Variants in TNFRSF13B observed in about 807,000 individuals in gnomAD.
TNFRSF13B encodes the protein tumor necrosis factor receptor superfamily member 13B.
In TNFRSF13B, 34 loss-of-function variants were observed where a neutral mutation model predicts 24.0. The ratio of observed to expected loss-of-function variants is 1.41; its 90% CI spans 1.08 to 1.88. The LOEUF (loss-of-function observed/expected upper bound fraction) is 1.88, where lower values mean the gene tolerates loss of function less well. TNFRSF13B is among the 40% of genes most tolerant of loss of function. The pLI, the probability that TNFRSF13B is intolerant of heterozygous loss-of-function variation, is 0.00. For synonymous variants in TNFRSF13B, 173 were observed against 150.3 expected (o/e 1.15, Z -1.10); for missense variants, 415 against 380.8 (o/e 1.09, Z -0.75).
chr17:16,950,072 G>C (rs1016578202), intron 2 of TNFRSF13B, among the ~76,000 whole-genome samples: 3 of 152,234 alleles, frequency 2.0e-5, no homozygotes, highest in East Asian at 1.9e-4. Flanking sequence ...TGGCTTTTGA[G>C]ATGTCCTGAC....
chr17:16,949,024 C>T, intron 2 of TNFRSF13B, 41 bp from the exon 3 acceptor site: 1 of 1,613,194 alleles, frequency 6.2e-7, no homozygotes, highest in Non-Finnish European at 8.5e-7. Flanking sequence ...GTGACACAGA[C>T]TAGCAGGAAC....
intron 2 of TNFRSF13B, among the ~76,000 whole-genome samples, chr17:16,949,647 A>T (rs1291573713): frequency 2.0e-5 from 3 of 152,066 alleles, no homozygotes; most frequent in African/African-American, 7.2e-5. Context: ...CCTATTTGGA[A>T]CAATCAATTA....
chr17:16,971,199 A>G (rs2087741141), intron 1 of TNFRSF13B, among the ~76,000 whole-genome samples: 1 of 152,062 alleles, frequency 6.6e-6, no homozygotes, highest in Non-Finnish European at 1.5e-5. Context: ...AATACAAAAA[A>G]TTAGCCGGGC....
chr17:16,948,617 G>A (rs2087565404), intron 3 of TNFRSF13B, 121 bp downstream of exon 3: 1 of 1,390,794 alleles, frequency 7.2e-7, no homozygotes, highest in Non-Finnish European at 1.0e-6. Flanking sequence ...CTGGCTTCTG[G>A]CCATTTGCTT....
intron 1 of TNFRSF13B, among the ~76,000 whole-genome samples, chr17:16,955,287 A>G (rs1262454209): frequency 6.6e-6 from 1 of 152,218 alleles, no homozygotes; most frequent in Non-Finnish European, 1.5e-5. Context: ...CCTGGTGCCA[A>G]CGAAGACACG....
intron 1 of TNFRSF13B, among the ~76,000 whole-genome samples, chr17:16,967,816 A>G (rs1385352215): frequency 6.7e-6 from 1 of 150,250 alleles, no homozygotes; most frequent in Non-Finnish European, 1.5e-5. Context: ...TATTTTAAGG[A>G]AAATATTTAA....
At chr17:16,943,443 C>T (rs1174771637) in intron 3 of TNFRSF13B, among the ~76,000 whole-genome samples, 1 of 152,140 alleles carries the variant, frequency 6.6e-6, no homozygotes, top group African/African-American at 2.4e-5. Flanking sequence ...CATGCCAGCA[C>T]CTCTCCCTCC....
At chr17:16,946,934 A>G (rs1031091755) in intron 3 of TNFRSF13B, among the ~76,000 whole-genome samples, 14 of 152,100 alleles carry the variant, frequency 9.2e-5, no homozygotes, top group African/African-American at 1.2e-4. Flanking sequence ...TTAATGAACT[A>G]CTTAAACATT....
intron 1 of TNFRSF13B, among the ~76,000 whole-genome samples, chr17:16,956,017 C>A (rs1003884311): frequency 6.6e-6 from 1 of 152,170 alleles, no homozygotes; most frequent in South Asian, 2.1e-4. Context: ...ATTGTTTCAA[C>A]CCTCAAGGGC....
intron 1 of TNFRSF13B, among the ~76,000 whole-genome samples, chr17:16,960,622 A>G (rs989351772): frequency 1.3e-5 from 2 of 152,196 alleles, no homozygotes; most frequent in Non-Finnish European, 2.9e-5. Flanking sequence ...CTCAAAATGG[A>G]CTAAGTGCTA....
intron 1 of TNFRSF13B, among the ~76,000 whole-genome samples, chr17:16,956,437 A>G (rs73980241): frequency 0.023 from 3,574 of 152,320 alleles, 90 homozygotes; most frequent in East Asian, 0.064. Context: ...AGGGACGTCT[A>G]TATATTGGGA....
At chr17:16,969,295 A>T (rs1567657643) in intron 1 of TNFRSF13B, among the ~76,000 whole-genome samples, 1 of 152,358 alleles carries the variant, frequency 6.6e-6, no homozygotes, top group East Asian at 1.9e-4. Flanking sequence ...AAAAAAGTAG[A>T]AACAACCCAA....
At chr17:16,939,890 G>A in intron 4 of TNFRSF13B, 93 bp from the exon 5 acceptor site, 2 of 1,441,508 alleles carry the variant, frequency 1.4e-6, no homozygotes, top group Non-Finnish European at 1.8e-6. Context: ...CCCCGACCCA[G>A]GAGCTAAGGG....
In TNFRSF13B at chr17:16,968,159, A is replaced by G. The variant is rs868853590; in HGVS notation, c.61+3856T>C. ...CCTGTCTCAAAAAAAAAAAAAAAGA[A>G]AAAAGAAAGGAAAAGAAATGCAAGA... On this transcript the variant is annotated intron_variant, in intron 1 of 4. Coordinates refer to ENST00000261652, the MANE Select transcript of TNFRSF13B (RefSeq NM_012452.3). Among the ~76,000 whole-genome samples the G allele has an allele frequency of 4.3e-3, 651 of 150,522 alleles. 14 individuals are homozygous for G. Among genetic ancestry groups the G allele is most frequent in the African/African-American group, 0.016 (637 of 40,410 alleles).
intron 2 of TNFRSF13B, among the ~76,000 whole-genome samples, chr17:16,951,578 C>A (rs1245408264): frequency 6.6e-6 from 1 of 152,148 alleles, no homozygotes; most frequent in Non-Finnish European, 1.5e-5. Flanking sequence ...TATATGAGAT[C>A]TTGGCTGTGC....
intron 3 of TNFRSF13B, 187 bp from the exon 4 acceptor site, chr17:16,940,698 C>T: frequency 6.9e-7 from 1 of 1,457,934 alleles, no homozygotes; most frequent in Non-Finnish European, 9.0e-7. Flanking sequence ...ATCCACTCCC[C>T]CATCCTGGCA....
chr17:16,944,851 G>A (rs989924754), intron 3 of TNFRSF13B, among the ~76,000 whole-genome samples: 16 of 152,170 alleles, frequency 1.1e-4, no homozygotes, highest in Admixed American at 7.8e-4. Context: ...GGAGCCCACG[G>A]AAGGGGGCAG....
intron 1 of TNFRSF13B, among the ~76,000 whole-genome samples, chr17:16,967,742 A>T (rs1429725663): frequency 9.5e-4 from 111 of 117,290 alleles, no homozygotes; most frequent in Non-Finnish European, 1.2e-3. Context: ...ACAGAGTGAG[A>T]CTCCGTCTCA....
chr17:16,944,420 TCA>T (rs377425161), intron 3 of TNFRSF13B, among the ~76,000 whole-genome samples: 34 of 152,248 alleles, frequency 2.2e-4, no homozygotes, highest in African/African-American at 7.5e-4. Context: ...AACTCCAGCC[TCA>T]CAGAACTAAG....
Sources: allele counts gnomAD v4.1 joint callset (sites outside exome capture counted in the v4.1 genomes callset), GRCh38; gene constraint gnomAD v4.1.1; transcripts MANE v1.5; gene names NCBI Gene and HGNC (gene_info 2026-07-23, HGNC 2026-07-21).